Variants in SLC29A3 observed in about 807,000 individuals in gnomAD.
The protein encoded by SLC29A3 is solute carrier family 29 member 3, also known as equilibrative nucleoside transporter 3.
A neutral mutation model predicts 25.4 loss-of-function variants in SLC29A3; 18 were observed. The ratio of observed to expected loss-of-function variants is 0.71; its 90% CI spans 0.49 to 1.05. The LOEUF is 1.05. Ranked by LOEUF, SLC29A3 falls within the 50% of genes least tolerant of loss-of-function variation. The pLI, the probability that SLC29A3 is intolerant of heterozygous loss-of-function variation, is 0.00. For missense variants in SLC29A3, 586 were observed against 609.0 expected (o/e 0.96, Z 0.40); for synonymous variants, 258 against 267.1 (o/e 0.97, Z 0.33).
intron 1 of SLC29A3, 74 bp from the exon 2 acceptor site, chr10:71,322,682 T>G (rs1589219822): frequency 1.9e-6 from 3 of 1,553,176 alleles, no homozygotes. Context: ...GTAGGCTGGG[T>G]GGGTCCCCAG....
Position 71,331,467 on chromosome 10 carries a change from A to G in SLC29A3, c.300+8413A>G, listed in dbSNP as rs543242891. On this transcript the variant is annotated intron_variant, in intron 2 of 5. Coordinates refer to ENST00000373189, the MANE Select transcript of SLC29A3 (RefSeq NM_018344.6). ...GCAGGCAGTTTGTGTGTGGAAGCAA[A>G]TGATCCAGCAGAGAAGGAAAAACGC... 6.6e-5 allele frequency among the ~76,000 whole-genome samples: 10 copies of G among 152,292 alleles called. No homozygotes were observed. The East Asian group carries it at 1.9e-3, about 29-fold the overall frequency.
intron 3 of SLC29A3, among the ~76,000 whole-genome samples, chr10:71,350,507 GAGA>G (rs1846726498): frequency 6.6e-6 from 1 of 152,252 alleles, no homozygotes; most frequent in African/African-American, 2.4e-5. Flanking sequence ...GCAGCCCCTT[GAGA>G]TGATGTTCTT....
At chr10:71,373,618 C>CT (rs1217438833) in intron 3 of SLC29A3, among the ~76,000 whole-genome samples, 4 of 152,228 alleles carry the variant, frequency 2.6e-5, no homozygotes, top group Non-Finnish European at 4.4e-5. Flanking sequence ...CAGATATTAG[C>CT]TCTTATTATT....
intron 4 of SLC29A3, 147 bp from the exon 5 acceptor site, chr10:71,355,934 T>G (rs1846892752): frequency 5.8e-6 from 5 of 864,814 alleles, no homozygotes; most frequent in African/African-American, 5.0e-5. Flanking sequence ...TCCCTGTCTC[T>G]GAGGCTTCAG....
intron 2 of SLC29A3, among the ~76,000 whole-genome samples, chr10:71,336,855 G>A (rs1451748032): frequency 6.6e-6 from 1 of 152,114 alleles, no homozygotes; most frequent in Non-Finnish European, 1.5e-5. Context: ...CTGAGGAGGT[G>A]TGAGAAAGGA....
chr10:71,342,743 C>T (rs1024450541), intron 2 of SLC29A3, among the ~76,000 whole-genome samples: 5 of 152,212 alleles, frequency 3.3e-5, no homozygotes, highest in Non-Finnish European at 4.4e-5. Context: ...TGAGTGCCCC[C>T]GACCAGTCCA....
At chr10:71,319,920 G>T (rs1170054517) in intron 1 of SLC29A3, among the ~76,000 whole-genome samples, 1 of 152,196 alleles carries the variant, frequency 6.6e-6, no homozygotes, top group Non-Finnish European at 1.5e-5. Context: ...TGCATGGCCG[G>T]GCTCCCGCAG....
intron 3 of SLC29A3, among the ~76,000 whole-genome samples, chr10:71,374,382 G>A (rs959597723): frequency 6.6e-6 from 1 of 152,190 alleles, no homozygotes; most frequent in Non-Finnish European, 1.5e-5. Context: ...GGTCCTCTCT[G>A]GTCAATGGCT....
chr10:71,342,628 G>A (rs1027435899), intron 2 of SLC29A3, among the ~76,000 whole-genome samples: 24 of 152,194 alleles, frequency 1.6e-4, no homozygotes, highest in Non-Finnish European at 2.5e-4. Context: ...GGGGGCAGAC[G>A]CAGCCCCATC....
chr10:71,378,104 G>GC (rs1847274488), intron 4 of SLC29A3, among the ~76,000 whole-genome samples: 1 of 134,470 alleles, frequency 7.4e-6, no homozygotes, highest in Admixed American at 7.6e-5. Context: ...TTGGGGGGGG[G>GC]GGTCCTCTTT....
chr10:71,322,142 C>G (rs1327236327), intron 1 of SLC29A3, among the ~76,000 whole-genome samples: 1 of 152,120 alleles, frequency 6.6e-6, no homozygotes, highest in East Asian at 1.9e-4. Context: ...CCCCGCCCCC[C>G]ACCATCCCAG....
intron 4 of SLC29A3, 126 bp downstream of exon 4, chr10:71,351,914 T>C: frequency 1.2e-6 from 1 of 859,944 alleles, no homozygotes. Flanking sequence ...TGTGTTTCAG[T>C]CATCTAGTGT....
At chr10:71,368,246 A>T (rs542560526), downstream of SLC29A3, among the ~76,000 whole-genome samples, 171 of 152,334 alleles carry the variant, frequency 1.1e-3, no homozygotes, top group African/African-American at 3.8e-3. Flanking sequence ...AAAAAAAATA[A>T]AAAATAAAAT....
At chr10:71,359,465 A>G (rs1847000206) in intron 5 of SLC29A3, among the ~76,000 whole-genome samples, 1 of 152,208 alleles carries the variant, frequency 6.6e-6, no homozygotes, top group Non-Finnish European at 1.5e-5. Context: ...GACTTAAGGC[A>G]AGGACCTGAC....
At position 71,363,093 on chromosome 10, in the gene SLC29A3, G is replaced by A. The variant is rs886047118; in HGVS notation, c.*485G>A. ...AGTCCCCTGGCATGGTCAGTCCTCA[G>A]GCCCAAGACTCAAGTGTGCACAGAC... On this transcript the variant is annotated 3_prime_UTR_variant, in exon 6 of 6. Transcript: ENST00000373189. The A allele has an allele frequency of 2.0e-5, 9 of 448,474 alleles. No homozygotes were observed. The East Asian group carries it at 5.6e-4, about 28-fold the overall frequency. 27.8% of individuals were successfully genotyped at this position (448,474 alleles called of 1,614,324 possible).
intron 2 of SLC29A3, among the ~76,000 whole-genome samples, chr10:71,335,731 A>C (rs978562816): frequency 1.3e-5 from 2 of 152,086 alleles, no homozygotes; most frequent in African/African-American, 2.4e-5. Flanking sequence ...CTTCTCTTGA[A>C]GGCCTTTGAT....
Position 71,363,077 on chromosome 10 carries a change from G to A in SLC29A3, c.*469G>A, listed in dbSNP as rs549844465. ...GTCTCCCTGGAATGGAAGTCCCCTGGCATGGTCAGTCCTCAGGCCCAAGAC... is the reference window on the plus strand; with the variant it reads ...GTCTCCCTGGAATGGAAGTCCCCTGACATGGTCAGTCCTCAGGCCCAAGAC... On this transcript the variant is annotated 3_prime_UTR_variant, in exon 6 of 6. Transcript: ENST00000373189. 133 of 451,958 alleles carry A rather than the reference G, an allele frequency of 2.9e-4. 1 individual carries two copies. Among genetic ancestry groups the A allele is most frequent in the South Asian group, 2.0e-3 (131 of 64,260 alleles). 28.0% of individuals were successfully genotyped at this position (451,958 alleles called of 1,614,324 possible). A position where few individuals can be genotyped will look rare whatever the true frequency, so the allele number is the denominator to read the frequency against.
chr10:71,378,919 G>C (rs1847281328), intron 4 of SLC29A3, among the ~76,000 whole-genome samples: 2 of 152,172 alleles, frequency 1.3e-5, no homozygotes, highest in African/African-American at 4.8e-5. Flanking sequence ...CCTTGTCTGG[G>C]ATCAGCTTCT....
At position 71,323,058 on chromosome 10, in the gene SLC29A3, A is replaced by G. The variant is rs751993603; in HGVS notation, c.300+4A>G. Reference sequence around the variant, plus strand: ...CCCTGAGGGCTCAGACATCCTGGTAAGGGCATGTTTCTCCTGCAAGGCTGG... The same window carrying G: ...CCCTGAGGGCTCAGACATCCTGGTAGGGGCATGTTTCTCCTGCAAGGCTGG... On this transcript the variant is annotated splice_donor_region_variant and intron_variant, in intron 2 of 5. Transcript: ENST00000373189. The G allele has an allele frequency of 4.3e-6, 7 of 1,612,586 alleles. No individual in the cohort carries two copies. The highest frequency in any genetic ancestry group is 1.3e-5 in the African/African-American group (1 of 74,922).
Sources: allele counts gnomAD v4.1 joint callset (sites outside exome capture counted in the v4.1 genomes callset), GRCh38; gene constraint gnomAD v4.1.1; transcripts MANE v1.5; gene names NCBI Gene and HGNC (gene_info 2026-07-23, HGNC 2026-07-21).